RIMS2: variants seen among roughly 807,000 people sequenced by gnomAD.
RIMS2 encodes regulating synaptic membrane exocytosis 2.
In RIMS2, 59 loss-of-function variants were observed where a neutral mutation model predicts 174.4. The observed-to-expected ratio is 0.34, with a 90% CI of 0.27 to 0.42. The LOEUF is 0.42. Ranked by LOEUF, RIMS2 falls within the 10% of genes least tolerant of loss-of-function variation. RIMS2 has a pLI of 1.00. For missense variants in RIMS2, 1,620 were observed against 1,666.3 expected (o/e 0.97, Z 0.48); for synonymous variants, 606 against 572.5 (o/e 1.06, Z -0.84).
At chr8:104,010,993 G>A (rs1341706912) in intron 17 of RIMS2, among the ~76,000 whole-genome samples, 1 of 152,082 alleles carries the variant, frequency 6.6e-6, no homozygotes, top group Non-Finnish European at 1.5e-5. Flanking sequence ...TTCAGTTGCT[G>A]CTATTCAAAA....
chr8:103,935,172 G>A (rs751641544), intron 12 of RIMS2, among the ~76,000 whole-genome samples: 1 of 152,324 alleles, frequency 6.6e-6, no homozygotes, highest in Admixed American at 6.5e-5. Flanking sequence ...GGGAGAGAAA[G>A]ATCATACATC....
intron 4 of RIMS2, among the ~76,000 whole-genome samples, chr8:103,887,818 G>A (rs1246094374): frequency 6.6e-6 from 1 of 151,520 alleles, no homozygotes; most frequent in Non-Finnish European, 1.5e-5. Context: ...CAAGAAATGA[G>A]GGGCCCACAG....
chr8:103,777,428 T>A (rs1018775200), intron 3 of RIMS2, among the ~76,000 whole-genome samples: 1 of 151,900 alleles, frequency 6.6e-6, no homozygotes, highest in African/African-American at 2.4e-5. Flanking sequence ...TGAAAAATGA[T>A]CATCAATAGA....
intron 2 of RIMS2, among the ~76,000 whole-genome samples, chr8:103,757,626 G>A (rs553540741): frequency 2.5e-4 from 38 of 152,294 alleles, no homozygotes; most frequent in South Asian, 1.0e-3. Flanking sequence ...ACCTATGAAT[G>A]TTATCTTATA....
At chr8:103,962,722 T>G (rs1456602995) in intron 15 of RIMS2, among the ~76,000 whole-genome samples, 5 of 152,156 alleles carry the variant, frequency 3.3e-5, no homozygotes, top group African/African-American at 1.2e-4. Context: ...TTCCCCAGGC[T>G]CATTTGACCC....
At chr8:104,046,018 T>C (rs1439724557) in intron 19 of RIMS2, among the ~76,000 whole-genome samples, 1 of 152,038 alleles carries the variant, frequency 6.6e-6, no homozygotes, top group Non-Finnish European at 1.5e-5. Flanking sequence ...TTTGGTTCTC[T>C]GATTATTCTG....
downstream of RIMS2, chr8:104,251,992 A>G (rs904439125): frequency 3.3e-6 from 2 of 602,930 alleles, no homozygotes; most frequent in East Asian, 2.7e-5. Flanking sequence ...ATTGTGCCCT[A>G]AAGAAGGCCC....
intron 15 of RIMS2, among the ~76,000 whole-genome samples, chr8:103,965,283 A>G (rs2091504685): frequency 6.6e-6 from 1 of 152,118 alleles, no homozygotes; most frequent in African/African-American, 2.4e-5. Flanking sequence ...ATTCCTTTAT[A>G]TGGAATATCT....
Position 104,173,821 on chromosome 8 carries a change from G to C in RIMS2, c.3335-71095G>C, listed in dbSNP as rs536085750. Among the ~76,000 whole-genome samples the C allele has an allele frequency of 2.0e-3, 301 of 149,500 alleles. 4 individuals are homozygous for C. Among genetic ancestry groups the C allele is most frequent in the Non-Finnish European group, 5.6e-4 (38 of 67,354 alleles). On this transcript the variant is annotated intron_variant, in intron 19 of 23. Transcript: ENST00000504942. ...TTTTTTGTATTTTTAGTAGAGACGG[G>C]GTTTCACAGTGTTAGCCAGGCTCTT...
At chr8:103,633,357 G>C (rs902730026) in intron 1 of RIMS2, among the ~76,000 whole-genome samples, 1 of 151,792 alleles carries the variant, frequency 6.6e-6, no homozygotes, top group Admixed American at 6.6e-5. Context: ...TGATTTTTAT[G>C]TGTTGAACCA....
chr8:103,532,740 A>C (rs796268189), intron 1 of RIMS2, among the ~76,000 whole-genome samples: 23 of 152,364 alleles, frequency 1.5e-4, no homozygotes, highest in African/African-American at 5.1e-4. Context: ...GCAATAATAC[A>C]GTTACAACTC....
intron 2 of RIMS2, among the ~76,000 whole-genome samples, chr8:103,755,486 G>T (rs1405854829): frequency 6.6e-6 from 1 of 152,140 alleles, no homozygotes; most frequent in African/African-American, 2.4e-5. Context: ...GCCTTGCTAG[G>T]CTGGGGAAGT....
intron 3 of RIMS2, among the ~76,000 whole-genome samples, chr8:103,884,745 C>T (rs1269916735): frequency 2.6e-5 from 4 of 151,624 alleles, no homozygotes; most frequent in Non-Finnish European, 4.4e-5. Flanking sequence ...GGGTTGGAGA[C>T]ATGATGATAA....
chr8:104,223,944 G>A (rs1364017121), intron 19 of RIMS2, among the ~76,000 whole-genome samples: 2 of 152,264 alleles, frequency 1.3e-5, no homozygotes, highest in African/African-American at 4.8e-5. Context: ...CCTAGAGCAC[G>A]TCAGCTGAGC....
chr8:104,175,080 C>T (rs2098871880), intron 19 of RIMS2, among the ~76,000 whole-genome samples: 1 of 152,142 alleles, frequency 6.6e-6, no homozygotes, highest in South Asian at 2.1e-4. Flanking sequence ...AAAATCACCT[C>T]TATGATGAAT....
At chr8:103,574,621 A>T (rs540249766) in intron 1 of RIMS2, among the ~76,000 whole-genome samples, 2 of 152,198 alleles carry the variant, frequency 1.3e-5, no homozygotes, top group Admixed American at 6.5e-5. Flanking sequence ...GTTCCCCTTT[A>T]TAAATATGCT....
intron 19 of RIMS2, among the ~76,000 whole-genome samples, chr8:104,216,220 G>A (rs564633295): frequency 5.3e-5 from 8 of 152,170 alleles, no homozygotes; most frequent in East Asian, 1.9e-4. Flanking sequence ...ACATAAATAC[G>A]CCATATAAGA....
intron 1 of RIMS2, among the ~76,000 whole-genome samples, chr8:103,577,272 C>G (rs1049643464): frequency 6.6e-5 from 10 of 152,148 alleles, no homozygotes; most frequent in African/African-American, 2.4e-4. Context: ...AGGATATGAA[C>G]AGACACTTCT....
At chr8:103,620,665 G>A (rs1196350956) in intron 1 of RIMS2, among the ~76,000 whole-genome samples, 2 of 143,970 alleles carry the variant, frequency 1.4e-5, no homozygotes, top group Non-Finnish European at 3.0e-5. Context: ...TACATTGTTT[G>A]GTATTCATGT....
Sources: gnomAD v4.1 joint callset for allele counts (sites outside exome capture counted in the v4.1 genomes callset) on GRCh38, gnomAD v4.1.1 for gene constraint, MANE v1.5 for transcripts, NCBI Gene and HGNC (gene_info 2026-07-23, HGNC 2026-07-21) for gene names.